The following VTA1 variants were observed in gnomAD, a reference collection of about 807,000 sequenced individuals.
The protein encoded by VTA1 is vesicle trafficking 1, also known as vacuolar protein sorting-associated protein VTA1 homolog.
In VTA1, 24 loss-of-function variants were observed where a neutral mutation model predicts 36.9. That is an observed-to-expected ratio of 0.65 (90% CI 0.47 to 0.91). The LOEUF (loss-of-function observed/expected upper bound fraction) is 0.91, where lower values mean the gene tolerates loss of function less well. Among genes scored for constraint, VTA1 ranks in the 40% least tolerant of loss-of-function variants. The pLI, the probability that VTA1 is intolerant of heterozygous loss-of-function variation, is 0.00. For missense variants in VTA1, 393 were observed against 377.2 expected (o/e 1.04, Z -0.35); for synonymous variants, 142 against 130.2 (o/e 1.09, Z -0.62).
At chr6:142,157,384 T>C (rs2114632331) in intron 1 of VTA1, among the ~76,000 whole-genome samples, 1 of 152,338 alleles carries the variant, frequency 6.6e-6, no homozygotes, top group South Asian at 2.1e-4. Context: ...GGTACTTTAC[T>C]GTAGCATTGA....
chr6:142,154,099 A>G (rs1279237307), intron 1 of VTA1, among the ~76,000 whole-genome samples: 2 of 152,072 alleles, frequency 1.3e-5, no homozygotes, highest in Admixed American at 1.3e-4. Context: ...TAGTCAAGAT[A>G]GAGAATAATT....
rs71021658 is a variant in VTA1 at position 142,198,119 on chromosome 6, ATGTGTGTGTGTGTG to A, written c.521-288_521-275del. On this transcript the variant is annotated intron_variant, in intron 5 of 7. Coordinates refer to ENST00000367630, the MANE Select transcript of VTA1 (RefSeq NM_016485.5). Reference sequence around the variant, plus strand: ...CTCAAAAAAAAATATATATATATATATGTGTGTGTGTGTGTGTGTGTGTGTGTGTGTGTGTGTGT... The same window carrying A: ...CTCAAAAAAAAATATATATATATATATGTGTGTGTGTGTGTGTGTGTGTGT... Among the ~76,000 whole-genome samples, 873 of 98,248 alleles carry A rather than the reference ATGTGTGTGTGTGTG, an allele frequency of 8.9e-3. 14 individuals carry two copies. Among genetic ancestry groups the A allele is most frequent in the African/African-American group, 0.027 (801 of 29,444 alleles). The allele number at this position is 98,248 out of a possible 152,430, so 64.5% of individuals were successfully genotyped here.
intron 4 of VTA1, among the ~76,000 whole-genome samples, chr6:142,176,986 G>A (rs535272220): frequency 1.3e-5 from 2 of 152,082 alleles, no homozygotes; most frequent in African/African-American, 4.8e-5. Context: ...GTTTCAAAGT[G>A]AGCAACATCT....
intron 2 of VTA1, among the ~76,000 whole-genome samples, chr6:142,168,535 A>C (rs1001063404): frequency 6.6e-6 from 1 of 151,808 alleles, no homozygotes; most frequent in Non-Finnish European, 1.5e-5. Flanking sequence ...AGTCTGAGTA[A>C]AAATTAGGAA....
intron 5 of VTA1, among the ~76,000 whole-genome samples, chr6:142,198,145 G>A (rs1562266846): frequency 4.7e-5 from 7 of 148,722 alleles, no homozygotes; most frequent in African/African-American, 1.7e-4. Flanking sequence ...GTGTGTGTGT[G>A]TGTGTGTGTG....
chr6:142,184,962 T>G (rs1775311606), intron 4 of VTA1, among the ~76,000 whole-genome samples: 1 of 152,212 alleles, frequency 6.6e-6, no homozygotes, highest in Non-Finnish European at 1.5e-5. Flanking sequence ...AACTAGCATT[T>G]AATATGTATC....
rs1776082859 is a variant in VTA1 at position 142,220,233 on chromosome 6, C to T, written c.*1590C>T. 1 of 152,166 alleles carries T rather than the reference C, an allele frequency of 6.6e-6. No homozygotes were observed. The highest frequency in any genetic ancestry group is 1.5e-5 in the Non-Finnish European group (1 of 68,032). The allele number at this position is 152,166 out of a possible 1,614,324, so 9.4% of individuals were successfully genotyped here. ...CATTTGCATCTAGAAATCCAATGCT[C>T]TTTAGAATGTTATTACGAATAGAAA... On this transcript the variant is annotated 3_prime_UTR_variant, in exon 8 of 8. Coordinates refer to ENST00000367630, the MANE Select transcript of VTA1 (RefSeq NM_016485.5).
chr6:142,205,261 CTT>C (rs1293207097), intron 7 of VTA1, among the ~76,000 whole-genome samples: 1 of 152,150 alleles, frequency 6.6e-6, no homozygotes, highest in Non-Finnish European at 1.5e-5. Flanking sequence ...CTTTAAATCT[CTT>C]GTCAATTTTC....
At chr6:142,192,817 A>G (rs1448117539) in intron 5 of VTA1, among the ~76,000 whole-genome samples, 1 of 152,030 alleles carries the variant, frequency 6.6e-6, no homozygotes, top group Non-Finnish European at 1.5e-5. Flanking sequence ...TTATGGCTTC[A>G]CAAGAGGATA....
At chr6:142,198,117 ATATGTGTGTG>A (rs1166518592) in intron 5 of VTA1, among the ~76,000 whole-genome samples, 12 of 78,664 alleles carry the variant, frequency 1.5e-4, no homozygotes, top group Admixed American at 6.2e-4. Flanking sequence ...ATATATATAT[ATATGTGTGTG>A]TGTGTGTGTG....
chr6:142,152,894 C>T (rs225630), intron 1 of VTA1, among the ~76,000 whole-genome samples: 2 of 151,812 alleles, frequency 1.3e-5, no homozygotes, highest in Non-Finnish European at 2.9e-5. Flanking sequence ...CATAAAAGCT[C>T]CATGGGCTAT....
At chr6:142,194,151 T>C (rs990608573) in intron 5 of VTA1, among the ~76,000 whole-genome samples, 5 of 152,170 alleles carry the variant, frequency 3.3e-5, no homozygotes, top group African/African-American at 1.2e-4. Flanking sequence ...GTACTGTGCC[T>C]AGTGGACCTG....
chr6:142,213,807 G>T (rs1775951340), intron 7 of VTA1, among the ~76,000 whole-genome samples: 1 of 152,184 alleles, frequency 6.6e-6, no homozygotes, highest in Non-Finnish European at 1.5e-5. Context: ...ACACAGAGCA[G>T]CTGGCCCTGT....
intron 4 of VTA1, among the ~76,000 whole-genome samples, chr6:142,173,939 C>A (rs1415913118): frequency 1.3e-5 from 2 of 152,044 alleles, no homozygotes; most frequent in Admixed American, 6.5e-5. Context: ...GATTTTTTTA[C>A]CCCCTATCTC....
At chr6:142,186,995 C>T (rs1186419949) in intron 4 of VTA1, among the ~76,000 whole-genome samples, 1 of 151,972 alleles carries the variant, frequency 6.6e-6, no homozygotes, top group Non-Finnish European at 1.5e-5. Context: ...AGGGAACTGC[C>T]TCTATTCATT....
At chr6:142,158,428 G>C (rs1292527400) in intron 1 of VTA1, among the ~76,000 whole-genome samples, 1 of 151,840 alleles carries the variant, frequency 6.6e-6, no homozygotes, top group Non-Finnish European at 1.5e-5. Context: ...AAAATTTTTT[G>C]GTGGATTAAT....
intron 5 of VTA1, among the ~76,000 whole-genome samples, chr6:142,196,718 CTT>C (rs972396001): frequency 1.3e-5 from 2 of 151,862 alleles, no homozygotes; most frequent in Non-Finnish European, 2.9e-5. Context: ...ATTTTGAGGT[CTT>C]TTTTGTAGAC....
intron 7 of VTA1, among the ~76,000 whole-genome samples, chr6:142,217,054 T>G (rs1485420274): frequency 6.6e-6 from 1 of 152,184 alleles, no homozygotes; most frequent in Non-Finnish European, 1.5e-5. Context: ...CATACCTGAC[T>G]AAATTGTCAA....
In VTA1 at chr6:142,218,633, G is replaced by T; in HGVS notation, c.914G>T (p.Gly305Val). The part of the protein sequence containing the change: ...LQKALKLLTT[G>V]RE ...AAGGCTCTCAAGTTACTGACGACAG[G>T]CAGAGAATGAAGCCTTTGTATGACA... The change falls in exon 8 of 8, where the codon GGC becomes GTC. Residue 305 changes from glycine to valine, a missense_variant. Transcript: ENST00000367630. 1 of 1,609,626 alleles carries T rather than the reference G, an allele frequency of 6.2e-7. No homozygotes were observed. Among genetic ancestry groups the T allele is most frequent in the Non-Finnish European group, 8.5e-7 (1 of 1,178,552 alleles).
Sources: allele counts gnomAD v4.1 joint callset (sites outside exome capture counted in the v4.1 genomes callset), GRCh38; gene constraint gnomAD v4.1.1; transcripts MANE v1.5; gene names NCBI Gene and HGNC (gene_info 2026-07-23, HGNC 2026-07-21).